Variants in SLC6A9 observed in about 807,000 individuals in gnomAD.
The protein encoded by SLC6A9 is solute carrier family 6 member 9.
SLC6A9 carries 31 observed loss-of-function variants against 70.9 expected under a neutral mutation model. The observed-to-expected ratio is 0.44, with a 90% CI of 0.33 to 0.59. The LOEUF (loss-of-function observed/expected upper bound fraction) is 0.59. Among genes scored for constraint, SLC6A9 ranks in the 20% least tolerant of loss-of-function variants. SLC6A9 has a pLI of 0.04. For synonymous variants in SLC6A9, 310 were observed against 341.3 expected, an observed-to-expected ratio of 0.91 and a Z score of 1.01; for missense variants, 631 against 845.2, an observed-to-expected ratio of 0.75 and a Z score of 3.14.
intron 12 of SLC6A9, among the ~76,000 whole-genome samples, chr1:43,998,815 C>T (rs2085978744): frequency 6.6e-6 from 1 of 152,204 alleles, no homozygotes; most frequent in South Asian, 2.1e-4. Flanking sequence ...GGGGAAGCTC[C>T]ATGGGCTAGA....
At chr1:44,017,019 G>T (rs773084754) in intron 2 of SLC6A9, 1 of 1,563,874 alleles carries the variant, frequency 6.4e-7, no homozygotes, top group Non-Finnish European at 8.6e-7. Context: ...ACCAAGGAGG[G>T]GGCTCAACTT....
At chr1:44,012,364 G>A (rs945532291) in intron 2 of SLC6A9, among the ~76,000 whole-genome samples, 10 of 151,552 alleles carry the variant, frequency 6.6e-5, no homozygotes, top group Non-Finnish European at 1.3e-4. Context: ...AGACACCTTT[G>A]TGGGGCAGCC....
At chr1:44,016,810 G>T (rs1471147262) in intron 2 of SLC6A9, among the ~76,000 whole-genome samples, 1 of 152,080 alleles carries the variant, frequency 6.6e-6, no homozygotes, top group Admixed American at 6.5e-5. Context: ...CTTGGGCTGG[G>T]GGAGCCCTCA....
chr1:44,018,600 TAA>T lies in SLC6A9; in HGVS notation c.30+5646_30+5647del, dbSNP rs2154307032. On this transcript the variant is annotated intron_variant, in intron 2 of 13. Coordinates refer to ENST00000372310, the MANE Select transcript of SLC6A9 (RefSeq NM_001024845.3). The surrounding 1 kb of genome is among the most constrained non-coding windows in gnomAD (Gnocchi z 4.2). ...CAAGAGCAAAACTCTCTCTCTAAAA[TAA>T]TAATAATAATAATAATAATAATAAT... Among the ~76,000 whole-genome samples the T allele has an allele frequency of 6.2e-5, 1 of 16,096 alleles. No individual in the cohort carries two copies. The highest frequency in any genetic ancestry group is 4.1e-3 in the South Asian group (1 of 242). 10.6% of individuals were successfully genotyped at this position (16,096 alleles called of 152,430 possible).
chr1:44,009,868 G>T (rs1281414189), intron 4 of SLC6A9, 97 bp downstream of exon 4: 5 of 1,428,670 alleles, frequency 3.5e-6, no homozygotes, highest in Non-Finnish European at 9.6e-7. Context: ...GCTCTACAGA[G>T]GTCAGCCATG....
chr1:44,019,627 C>T (rs1187817383), intron 2 of SLC6A9, among the ~76,000 whole-genome samples: 1 of 152,254 alleles, frequency 6.6e-6, no homozygotes, highest in Non-Finnish European at 1.5e-5. Context: ...CATGGCTGGA[C>T]GGCTTTCCCT....
rs969243111 is a variant in SLC6A9 at position 44,008,570 on chromosome 1, C to G, written c.373G>C (p.Val125Leu). Reference protein sequence around the residue: ...VSTYIGIYYNVVICIAFYYFF... With the variant: ...VSTYIGIYYNLVICIAFYYFF... ...TAGTAGAAGGCGATGCAGATGACCA[C>G]ATTGTAGTAGATGCCGATGTAGGTG... Residue 125 changes from valine (V) to leucine (L), a missense_variant, in exon 5 of 14, where the codon GTG (valine) becomes CTG (leucine). Val to Leu is a conservative substitution (Grantham distance 32, BLOSUM62 1). Coordinates refer to ENST00000372310, the MANE Select transcript of SLC6A9 (RefSeq NM_001024845.3). 1 of 1,613,984 alleles carries G rather than the reference C, an allele frequency of 6.2e-7. No homozygotes were observed. The highest frequency in any genetic ancestry group is 1.3e-5 in the African/African-American group (1 of 74,912).
At chr1:44,023,424 C>T (rs2086923851) in intron 2 of SLC6A9, among the ~76,000 whole-genome samples, 1 of 152,086 alleles carries the variant, frequency 6.6e-6, no homozygotes, top group Non-Finnish European at 1.5e-5. Flanking sequence ...GTGTGGATCA[C>T]CTAAGGTCAG....
chr1:44,004,574 G>A (rs144126661), intron 5 of SLC6A9, among the ~76,000 whole-genome samples: 1,960 of 151,890 alleles, frequency 0.013, 43 homozygotes, highest in African/African-American at 0.046. Flanking sequence ...TCGAATGCCT[G>A]GGCTCAAGCA....
chr1:44,004,433 C>T, intron 5 of SLC6A9, among the ~76,000 whole-genome samples: 1 of 151,828 alleles, frequency 6.6e-6, no homozygotes, highest in Non-Finnish European at 1.5e-5. Context: ...GCAGCCTCGA[C>T]CTCCCAGTCT....
rs375338460 is a variant in SLC6A9 at position 44,009,661 on chromosome 1, C to T, written c.319+304G>A. On this transcript the variant is annotated intron_variant, in intron 4 of 13. Coordinates refer to ENST00000372310, the MANE Select transcript of SLC6A9 (RefSeq NM_001024845.3). ...GCCCGAGGTTAATAATTTCTAAGGG[C>T]CCAAGGGGCAGGCTGAGATGGAGGG... Among the ~76,000 whole-genome samples the T allele has an allele frequency of 3.9e-5, 6 of 152,288 alleles. No individual in the cohort carries two copies. The East Asian group carries it at 1.2e-3, about 29-fold the overall frequency.
rs975567573 is a variant in SLC6A9, at chr1:44,017,322, T to C, written c.31-6440A>G. ...TGCTCCGGAGCTGGAGTGGGGTGTG[T>C]GGGGTTTGTTGTGTTTTTCCCTTGT... On this transcript the variant is annotated intron_variant, in intron 2 of 13. Coordinates refer to ENST00000372310, the MANE Select transcript of SLC6A9 (RefSeq NM_001024845.3). The C allele has an allele frequency of 3.5e-6, 5 of 1,414,894 alleles. No homozygotes were observed. In the African/African-American group the frequency reaches 5.9e-5, roughly 17 times the overall value. 87.6% of individuals were successfully genotyped at this position (1,414,894 alleles called of 1,614,324 possible).
At chr1:44,011,309 C>T (rs1018372782) in intron 2 of SLC6A9, among the ~76,000 whole-genome samples, 1 of 152,144 alleles carries the variant, frequency 6.6e-6, no homozygotes, top group Non-Finnish European at 1.5e-5. Context: ...GACAGCCCCC[C>T]CACCCGTCGC....
In SLC6A9 at chr1:43,997,644, A is replaced by G. The variant is rs1445172794; in HGVS notation, c.1803T>C (p.Pro601=). 1 of 1,614,004 alleles carries G rather than the reference A, an allele frequency of 6.2e-7. No individual in the cohort carries two copies. The change falls in exon 14 of 14, where the codon CCT becomes CCC. Residue 601 remains proline, a synonymous_variant. Coordinates refer to ENST00000372310, the MANE Select transcript of SLC6A9 (RefSeq NM_001024845.3). This position sits in a 1 kb window ranked among gnomAD's most constrained non-coding sequence, Gnocchi z 4.4. ...GRYAPTIAPS[P]EDGFEVQPLH... The stretch of plus-strand genomic sequence containing the variant: ...GTGGCTGGACCTCGAAGCCGTCCTC[A>G]GGAGAGGGGGCTATGGTGGGGGCGT...
intron 3 of SLC6A9, chr1:44,010,459 G>GGGC (rs1553162552): frequency 4.1e-5 from 6 of 147,664 alleles, no homozygotes; most frequent in East Asian, 3.4e-4. Flanking sequence ...TTGTGGGCGG[G>GGGC]GGGGGGGGGG....
chr1:43,997,263 G>A lies in SLC6A9; in HGVS notation c.*282C>T. 1 of 467,716 alleles carries A rather than the reference G, an allele frequency of 2.1e-6. No homozygotes were observed. Among genetic ancestry groups the A allele is most frequent in the Non-Finnish European group, 3.8e-6 (1 of 261,804 alleles). 29.0% of individuals were successfully genotyped at this position (467,716 alleles called of 1,614,324 possible). ...ATCGGAGGCCACGTAAAGCCATCCA[G>A]GCTGCTGGGGACCTGGCCCGAGACC... On this transcript the variant is annotated 3_prime_UTR_variant, in exon 14 of 14. Coordinates refer to ENST00000372310, the MANE Select transcript of SLC6A9 (RefSeq NM_001024845.3). This position sits in a 1 kb window ranked among gnomAD's most constrained non-coding sequence, Gnocchi z 4.4.
intron 2 of SLC6A9, among the ~76,000 whole-genome samples, chr1:44,022,591 G>A (rs1432639318): frequency 5.3e-5 from 8 of 152,086 alleles, no homozygotes; most frequent in Admixed American, 5.2e-4. Flanking sequence ...TGGCCTGAGG[G>A]TTGGGGCCAG....
chr1:44,009,294 A>G (rs1405632026), intron 4 of SLC6A9, among the ~76,000 whole-genome samples: 1 of 149,500 alleles, frequency 6.7e-6, no homozygotes, highest in African/African-American at 2.5e-5. Flanking sequence ...ATCTTGGCTC[A>G]CTACAAGCTC....
At chr1:44,008,691 C>CTTTTT in intron 4 of SLC6A9, 68 bp from the exon 5 acceptor site, 1 of 1,218,834 alleles carries the variant, frequency 8.2e-7, no homozygotes, top group Non-Finnish European at 1.1e-6. Context: ...TTAATAATTT[C>CTTTTT]TTTTTTTTCT....
Sources: allele counts gnomAD v4.1 joint callset (sites outside exome capture counted in the v4.1 genomes callset), GRCh38; gene constraint gnomAD v4.1.1; non-coding constraint Gnocchi (gnomAD v3.1); transcripts MANE v1.5; gene names NCBI Gene and HGNC (gene_info 2026-07-23, HGNC 2026-07-21).